Variants in RFX3 observed in about 807,000 individuals in gnomAD.
RFX3 encodes the protein transcription factor RFX3.
RFX3 carries 14 observed loss-of-function variants against 98.6 expected under a neutral mutation model. The observed-to-expected ratio is 0.14, with a 90% CI of 0.09 to 0.22. RFX3 has a LOEUF of 0.22. Ranked by LOEUF, RFX3 falls within the 10% of genes least tolerant of loss-of-function variation. The pLI is 1.00. For synonymous variants in RFX3, 383 were observed against 328.4 expected, an observed-to-expected ratio of 1.17 and a Z score of -1.80; for missense variants, 639 against 926.9, an observed-to-expected ratio of 0.69 and a Z score of 4.03.
chr9:3,229,691 C>A (rs922189995), intron 15 of RFX3, among the ~76,000 whole-genome samples: 1 of 152,172 alleles, frequency 6.6e-6, no homozygotes, highest in African/African-American at 2.4e-5. Flanking sequence ...TGCAAAGCAT[C>A]TACTTTTAAA....
intron 15 of RFX3, among the ~76,000 whole-genome samples, chr9:3,230,796 G>A (rs137878778): frequency 9.3e-4 from 142 of 152,252 alleles, no homozygotes; most frequent in African/African-American, 3.2e-3. Context: ...ATTTGCTGTT[G>A]AAAAGTCTCT....
chr9:3,239,134 C>A (rs1198020833), intron 15 of RFX3, among the ~76,000 whole-genome samples: 1 of 152,094 alleles, frequency 6.6e-6, no homozygotes, highest in Admixed American at 6.5e-5. Flanking sequence ...TATTATTTTC[C>A]TTAAATGTCT....
At chr9:3,287,975 C>T (rs1373697875) in intron 7 of RFX3, among the ~76,000 whole-genome samples, 156 bp downstream of exon 7, 1 of 151,958 alleles carries the variant, frequency 6.6e-6, no homozygotes, top group Non-Finnish European at 1.5e-5. Flanking sequence ...GGCGAGATCA[C>T]TGAAATTCTA....
chr9:3,464,390 T>C (rs920321438), intron 1 of RFX3, among the ~76,000 whole-genome samples: 2 of 152,094 alleles, frequency 1.3e-5, no homozygotes, highest in African/African-American at 4.8e-5. Flanking sequence ...AAAGAAAAAT[T>C]CCATCAAATA....
chr9:3,314,945 G>A (rs976764290), intron 4 of RFX3, among the ~76,000 whole-genome samples: 12 of 152,142 alleles, frequency 7.9e-5, no homozygotes, highest in African/African-American at 2.9e-4. Context: ...GCACCCCACT[G>A]TCAACATTAG....
At chr9:3,306,467 T>C (rs935877192) in intron 4 of RFX3, among the ~76,000 whole-genome samples, 1 of 151,756 alleles carries the variant, frequency 6.6e-6, no homozygotes, top group Non-Finnish European at 1.5e-5. Flanking sequence ...AATTAAATAA[T>C]TGAATATTAC....
intron 2 of RFX3, among the ~76,000 whole-genome samples, chr9:3,376,581 A>T (rs1395879957): frequency 6.6e-6 from 1 of 152,228 alleles, no homozygotes; most frequent in African/African-American, 2.4e-5. Context: ...ACAAAAGCCA[A>T]AATTGACAAA....
chr9:3,464,414 C>A (rs1848008331), intron 1 of RFX3, among the ~76,000 whole-genome samples: 1 of 152,112 alleles, frequency 6.6e-6, no homozygotes. Context: ...ATCAGAACAA[C>A]CAAATTGCGG....
chr9:3,383,129 ATATTT>A (rs1839364033), intron 2 of RFX3, among the ~76,000 whole-genome samples: 1 of 152,160 alleles, frequency 6.6e-6, no homozygotes, highest in Non-Finnish European at 1.5e-5. Flanking sequence ...CCAGATGCTA[ATATTT>A]TACTACATGG....
At chr9:3,291,142 A>T (rs2131613798) in intron 6 of RFX3, among the ~76,000 whole-genome samples, 1 of 152,310 alleles carries the variant, frequency 6.6e-6, no homozygotes, top group East Asian at 1.9e-4. Context: ...AGGCGGGCAG[A>T]TCACCTAAGG....
chr9:3,390,365 CAGA>C (rs1407727159), intron 2 of RFX3, among the ~76,000 whole-genome samples: 3 of 152,146 alleles, frequency 2.0e-5, no homozygotes, highest in Non-Finnish European at 2.9e-5. Context: ...TCGGAGAACT[CAGA>C]AGAAGTCAGA....
At chr9:3,347,087 A>G (rs934332304) in intron 2 of RFX3, among the ~76,000 whole-genome samples, 2 of 152,148 alleles carry the variant, frequency 1.3e-5, no homozygotes, top group Non-Finnish European at 2.9e-5. Flanking sequence ...CTAGGAGGCC[A>G]AAGTGGGCAG....
At chr9:3,299,019 G>C (rs1172898480) in intron 5 of RFX3, among the ~76,000 whole-genome samples, 1 of 151,474 alleles carries the variant, frequency 6.6e-6, no homozygotes, top group Non-Finnish European at 1.5e-5. Flanking sequence ...GATAAATCAG[G>C]GAACTAATCA....
At chr9:3,249,565 A>G (rs1403188701) in intron 14 of RFX3, among the ~76,000 whole-genome samples, 1 of 152,180 alleles carries the variant, frequency 6.6e-6, no homozygotes, top group Non-Finnish European at 1.5e-5. Flanking sequence ...GAATAGGAGA[A>G]GCTGACTTTC....
intron 11 of RFX3, among the ~76,000 whole-genome samples, chr9:3,270,098 G>GAAAGAAAT (rs1554642956): frequency 5.1e-4 from 7 of 13,768 alleles, no homozygotes; most frequent in African/African-American, 6.1e-4. Context: ...AAGAAAGAAA[G>GAAAGAAAT]AAAGAAAGAA....
At chr9:3,271,220 T>A in intron 9 of RFX3, 102 bp from the exon 10 acceptor site, 1 of 951,006 alleles carries the variant, frequency 1.1e-6, no homozygotes, top group Non-Finnish European at 1.6e-6. Context: ...AGTTCTCCCT[T>A]GGGGTCATAA....
intron 3 of RFX3, among the ~76,000 whole-genome samples, chr9:3,341,398 G>A (rs1052686292): frequency 2.4e-4 from 35 of 145,424 alleles, no homozygotes; most frequent in African/African-American, 9.3e-4. Context: ...AAAACTTAAA[G>A]TATAATAATA....
chr9:3,499,933 G>A (rs1452572419), intron 1 of RFX3, among the ~76,000 whole-genome samples: 1 of 151,940 alleles, frequency 6.6e-6, no homozygotes, highest in African/African-American at 2.4e-5. Context: ...ATTCTGAGCT[G>A]GGAACCCTTT....
At chr9:3,451,799 A>T (rs1374991337) in intron 1 of RFX3, among the ~76,000 whole-genome samples, 1 of 151,970 alleles carries the variant, frequency 6.6e-6, no homozygotes, top group African/African-American at 2.4e-5. Flanking sequence ...TGTAAATCTA[A>T]ATTTATTCTA....
Sources: allele counts gnomAD v4.1 joint callset (sites outside exome capture counted in the v4.1 genomes callset), GRCh38; gene constraint gnomAD v4.1.1; transcripts MANE v1.5; gene names NCBI Gene and HGNC (gene_info 2026-07-23, HGNC 2026-07-21).